Variants in ZNF43 observed in about 807,000 individuals in gnomAD.
ZNF43 encodes the protein zinc finger protein 39-like 1 (KOX 27).
Under a neutral mutation model 68.4 loss-of-function variants are expected in ZNF43, and 44 were observed. That is an observed-to-expected ratio of 0.64 (90% confidence interval 0.51 to 0.83). The LOEUF is 0.83. ZNF43 is among the 40% of genes least tolerant of loss of function. The pLI, the probability that ZNF43 is intolerant of heterozygous loss-of-function variation, is 0.00. For synonymous variants in ZNF43, 308 were observed against 307.8 expected (o/e 1.00, Z -0.01); for missense variants, 896 against 933.2 (o/e 0.96, Z 0.52).
At chr19:21,818,673 G>C (rs944802613) in intron 2 of ZNF43, among the ~76,000 whole-genome samples, 12 of 152,246 alleles carry the variant, frequency 7.9e-5, no homozygotes, top group African/African-American at 2.9e-4. Context: ...GCCTGCCTCG[G>C]CCTCCCAGAG....
intron 1 of ZNF43, among the ~76,000 whole-genome samples, chr19:21,844,954 A>G (rs369137765): frequency 7.4e-6 from 1 of 135,404 alleles, no homozygotes; most frequent in Non-Finnish European, 1.6e-5. Context: ...ATATGTTACA[A>G]TGTTACAATT....
chr19:21,835,885 C>A, intron 1 of ZNF43, 151 bp downstream of exon 1: 1 of 1,374,340 alleles, frequency 7.3e-7, no homozygotes, highest in Non-Finnish European at 1.0e-6. Flanking sequence ...GGGGCTGCCT[C>A]CCAGAGCAGC....
At chr19:21,844,921 A>AAAAAAAAAAATAT (rs1310761266) in intron 1 of ZNF43, among the ~76,000 whole-genome samples, 1 of 26,050 alleles carries the variant, frequency 3.8e-5, no homozygotes, top group African/African-American at 2.2e-4. Context: ...AAAAAAAAAA[A>AAAAAAAAAAATAT]ATATATATAT....
chr19:21,840,140 T>C (rs1184310989), upstream of ZNF43: 1 of 152,054 alleles, frequency 6.6e-6, no homozygotes, highest in Non-Finnish European at 1.5e-5. Context: ...CCCATGAAGA[T>C]AGGGCACAGG....
At chr19:21,814,188 A>G (rs961461737) in intron 3 of ZNF43, among the ~76,000 whole-genome samples, 1 of 152,182 alleles carries the variant, frequency 6.6e-6, no homozygotes, top group East Asian at 1.9e-4. Flanking sequence ...TCAAATTACA[A>G]AAGTGTTTCT....
chr19:21,827,596 A>T (rs921337811), intron 1 of ZNF43, among the ~76,000 whole-genome samples: 2 of 151,772 alleles, frequency 1.3e-5, no homozygotes, highest in Non-Finnish European at 2.9e-5. Flanking sequence ...TCCCAACCTC[A>T]AGTGATCCAC....
chr19:21,823,235 T>C (rs868052971), intron 1 of ZNF43, among the ~76,000 whole-genome samples: 2 of 152,204 alleles, frequency 1.3e-5, no homozygotes, highest in East Asian at 1.9e-4. Flanking sequence ...TCCTGGATGA[T>C]AGGGATGACT....
intron 1 of ZNF43, among the ~76,000 whole-genome samples, chr19:21,842,869 C>A (rs1967639286): frequency 6.6e-6 from 1 of 152,100 alleles, no homozygotes; most frequent in South Asian, 2.1e-4. Flanking sequence ...GTGGTCAGGG[C>A]CTAGTGATAC....
intron 1 of ZNF43, among the ~76,000 whole-genome samples, chr19:21,844,921 A>AAAAAAAATATAT (rs1310761266): frequency 1.5e-4 from 4 of 26,044 alleles, no homozygotes; most frequent in African/African-American, 2.2e-4. Flanking sequence ...AAAAAAAAAA[A>AAAAAAAATATAT]ATATATATAT....
chr19:21,818,138 T>C (rs2037620897), intron 2 of ZNF43, 152 bp from the exon 3 acceptor site: 1 of 800,274 alleles, frequency 1.2e-6, no homozygotes, highest in Admixed American at 3.2e-5. Flanking sequence ...AGTCTCAATC[T>C]GTCACCAAGG....
chr19:21,839,142 A>G (rs2145374190), upstream of ZNF43, among the ~76,000 whole-genome samples: 1 of 152,198 alleles, frequency 6.6e-6, no homozygotes, highest in Admixed American at 6.5e-5. Context: ...TGCTGGGTCC[A>G]GTGATATTTC....
At position 21,807,998 on chromosome 19, in the gene ZNF43, C is replaced by T. The variant is rs2037040134; in HGVS notation, c.2039G>A (p.Cys680Tyr). 4 of 1,612,772 alleles carry T rather than the reference C, an allele frequency of 2.5e-6. No individual in the cohort carries two copies. The East Asian group carries it at 8.9e-5, about 36-fold the overall frequency. ...TTTAAAAGCTTTGCCACATTCTTCA[C>T]ATTTGTAGGGTTTCTCTCCAGTATG... ...IIHTGEKPYK[C>Y]EECGKAFKLS... is the part of the protein sequence containing the mutation. Residue 680 changes from cysteine (C) to tyrosine (Y), a missense_variant, in exon 4 of 4, where the codon TGT (cysteine) becomes TAT (tyrosine). Cys to Tyr is a radical substitution (Grantham distance 194, BLOSUM62 -2). Transcript: ENST00000354959.
intron 3 of ZNF43, among the ~76,000 whole-genome samples, chr19:21,813,244 C>CAA (rs576960859): frequency 1.9e-5 from 2 of 103,360 alleles, no homozygotes; most frequent in African/African-American, 3.6e-5. Flanking sequence ...ACTCTGTCTC[C>CAA]AAAAAAAAAA....
At chr19:21,848,101 T>C (rs1568396147) in intron 1 of ZNF43, among the ~76,000 whole-genome samples, 1 of 152,012 alleles carries the variant, frequency 6.6e-6, no homozygotes, top group Non-Finnish European at 1.5e-5. Flanking sequence ...ATTACAGGCG[T>C]GAGGCCACTG....
At chr19:21,844,556 G>C (rs1186387473) in intron 1 of ZNF43, among the ~76,000 whole-genome samples, 1 of 151,686 alleles carries the variant, frequency 6.6e-6, no homozygotes, top group African/African-American at 2.4e-5. Context: ...TTTATTGCCT[G>C]GTTCAAGGTA....
intron 1 of ZNF43, among the ~76,000 whole-genome samples, chr19:21,835,287 T>C (rs192204683): frequency 1.8e-3 from 268 of 148,542 alleles, no homozygotes; most frequent in Non-Finnish European, 3.4e-3. Context: ...AAAAAATAGT[T>C]GATAACGTGA....
At chr19:21,809,862 T>C (rs1321987469) in intron 3 of ZNF43, 55 bp from the exon 4 acceptor site, 6 of 1,437,938 alleles carry the variant, frequency 4.2e-6, no homozygotes, top group South Asian at 1.6e-5. Context: ...GAGATAAATA[T>C]ACTTTATGTA....
chr19:21,836,349 A>C (rs1368806268), upstream of ZNF43: 48 of 1,004,606 alleles, frequency 4.8e-5, no homozygotes, highest in Non-Finnish European at 5.9e-5. Flanking sequence ...AAAGAATGAC[A>C]GCCTAGGCTG....
chr19:21,835,966 T>C, intron 1 of ZNF43, 70 bp downstream of exon 1: 1 of 1,610,138 alleles, frequency 6.2e-7, no homozygotes, highest in Non-Finnish European at 8.5e-7. Flanking sequence ...ATTGTGGAGC[T>C]GACTGCGGGA....
Sources: allele counts gnomAD v4.1 joint callset (sites outside exome capture counted in the v4.1 genomes callset), GRCh38; gene constraint gnomAD v4.1.1; transcripts MANE v1.5; gene names NCBI Gene and HGNC (gene_info 2026-07-23, HGNC 2026-07-21).